LUC7L2: variants seen among roughly 807,000 people sequenced by gnomAD.
LUC7L2 encodes LUC7 like 2, pre-mRNA splicing factor.
In LUC7L2, 25 loss-of-function variants were observed where a neutral mutation model predicts 52.8. The observed-to-expected ratio is 0.47, with a 90% CI of 0.34 to 0.66. LUC7L2 has a LOEUF of 0.66. LUC7L2 is among the 30% of genes least tolerant of loss of function. The pLI is 0.01. For synonymous variants in LUC7L2, 144 were observed against 160.9 expected, an observed-to-expected ratio of 0.89 and a Z score of 0.80; for missense variants, 328 against 497.8, an observed-to-expected ratio of 0.66 and a Z score of 3.25.
Position 139,417,698 on chromosome 7 carries a change from A to G in LUC7L2, c.970A>G (p.Arg324Gly). ...RSHQRSRHSS[R>G]DRSRERSKRR... ...CCACCAGAGAAGTCGGCACAGTTCT[A>G]GAGATAGGAGCAGAGAACGATCCAA... Residue 324 changes from arginine (R) to glycine (G), a missense_variant, in exon 9 of 10, where the codon AGA becomes GGA. Transcript: ENST00000354926. 6.2e-7 allele frequency: 1 copy of G among 1,614,200 alleles called. No individual in the cohort carries two copies. The highest frequency in any genetic ancestry group is 8.5e-7 in the Non-Finnish European group (1 of 1,180,032).
chr7:139,417,510 A>G, intron 8 of LUC7L2, 28 bp from the exon 9 acceptor site: 2 of 1,601,670 alleles, frequency 1.2e-6, no homozygotes, highest in Non-Finnish European at 8.5e-7. Context: ...TTACAAAGGT[A>G]GAAACAAAAT....
intron 1 of LUC7L2, among the ~76,000 whole-genome samples, chr7:139,344,250 C>T (rs1799148608): frequency 6.6e-6 from 1 of 152,138 alleles, no homozygotes; most frequent in African/African-American, 2.4e-5. Flanking sequence ...CGAGAATAGC[C>T]ATTCCTCAGT....
At chr7:139,417,464 T>C (rs1262245971) in intron 8 of LUC7L2, 74 bp from the exon 9 acceptor site, 10 of 1,532,106 alleles carry the variant, frequency 6.5e-6, no homozygotes, top group Admixed American at 2.1e-5. Flanking sequence ...AGTTTCTCTT[T>C]AAAGAAAAGG....
chr7:139,390,119 C>G (rs1449155456), intron 2 of LUC7L2, among the ~76,000 whole-genome samples: 2 of 152,158 alleles, frequency 1.3e-5, no homozygotes, highest in Non-Finnish European at 2.9e-5. Context: ...TGCCACTGCA[C>G]TCCAGGTTGG....
intron 6 of LUC7L2, among the ~76,000 whole-genome samples, 160 bp from the exon 7 acceptor site, chr7:139,409,403 T>C (rs141834218): frequency 5.9e-5 from 9 of 152,262 alleles, no homozygotes; most frequent in South Asian, 2.1e-4. Flanking sequence ...AGAAGACTTG[T>C]AGGCCTAATG....
intron 1 of LUC7L2, among the ~76,000 whole-genome samples, chr7:139,373,456 G>A (rs935903977): frequency 6.6e-6 from 1 of 152,012 alleles, no homozygotes; most frequent in Non-Finnish European, 1.5e-5. Flanking sequence ...AGTTTGCTAC[G>A]GTTATCAAAT....
chr7:139,351,957 G>A (rs1343003087), intron 1 of LUC7L2, among the ~76,000 whole-genome samples: 2 of 152,198 alleles, frequency 1.3e-5, no homozygotes, highest in Non-Finnish European at 2.9e-5. Flanking sequence ...CACAGTGGGA[G>A]GCCTGGATGG....
chr7:139,381,232 T>A (rs1800997558), intron 2 of LUC7L2, among the ~76,000 whole-genome samples: 1 of 152,122 alleles, frequency 6.6e-6, no homozygotes, highest in African/African-American at 2.4e-5. Flanking sequence ...GTCAGTTTTT[T>A]AGGTAATTCA....
At chr7:139,390,215 GTCTCTCTCTC>G (rs5887929) in intron 2 of LUC7L2, among the ~76,000 whole-genome samples, 7 of 148,818 alleles carry the variant, frequency 4.7e-5, no homozygotes, top group East Asian at 2.0e-4. Context: ...CCAGTGCCCA[GTCTCTCTCTC>G]TCTCTCTCTC....
At chr7:139,374,680 C>T (rs927165312) in intron 1 of LUC7L2, 1 of 1,302,824 alleles carries the variant, frequency 7.7e-7, no homozygotes. Flanking sequence ...ATCATTTTAA[C>T]TATAAATTAC....
chr7:139,363,220 C>G (rs1161904809), intron 1 of LUC7L2: 7 of 985,342 alleles, frequency 7.1e-6, no homozygotes, highest in African/African-American at 1.7e-5. Context: ...AAAATCGTGC[C>G]GATGCCTGGC....
At chr7:139,356,612 C>T (rs963524389), upstream of LUC7L2, among the ~76,000 whole-genome samples, 19 of 115,492 alleles carry the variant, frequency 1.6e-4, no homozygotes, top group African/African-American at 1.1e-3. Context: ...TGAAAACCTG[C>T]GTTAAAAAAA....
chr7:139,416,881 A>G (rs1202443477), intron 8 of LUC7L2: 1 of 152,254 alleles, frequency 6.6e-6, no homozygotes, highest in African/African-American at 2.4e-5. Context: ...TCTAGAGGAT[A>G]CAAAAATGTT....
At position 139,422,252 on chromosome 7, in the gene LUC7L2, G is replaced by T. The variant is rs762076915; in HGVS notation, c.1091G>T (p.Arg364Leu). 1 of 1,614,192 alleles carries T rather than the reference G, an allele frequency of 6.2e-7. No homozygotes were observed. Among genetic ancestry groups the T allele is most frequent in the Non-Finnish European group, 8.5e-7 (1 of 1,180,032 alleles). The change falls in exon 10 of 10, where the codon CGG becomes CTG. Residue 364 changes from arginine (R) to leucine (L), a missense_variant. Arg to Leu is a moderately radical substitution (Grantham distance 102, BLOSUM62 -2). Transcript: ENST00000354926. ...GACAGATCACCTCGTGACAGAGATC[G>T]GAAAGATAAGAAGCGGTCCTATGAG... is the stretch of plus-strand genomic sequence containing the variant. ...SRDRSPRDRD[R>L]KDKKRSYESA...
rs1485606872 is a variant in LUC7L2, at chr7:139,423,283, A to T, written c.*943A>T. ...AAGGCACCAAAGGACATAAATACGTACTTGCAAAGATTCCAGATGAGCTGT... is the reference window on the plus strand; with the variant it reads ...AAGGCACCAAAGGACATAAATACGTTCTTGCAAAGATTCCAGATGAGCTGT... On this transcript the variant is annotated 3_prime_UTR_variant, in exon 10 of 10. Coordinates refer to ENST00000354926, the MANE Select transcript of LUC7L2 (RefSeq NM_016019.5). 14 of 398,970 alleles carry T rather than the reference A, an allele frequency of 3.5e-5. No homozygotes were observed. Among genetic ancestry groups the T allele is most frequent in the Non-Finnish European group, 1.3e-5 (3 of 226,094 alleles). The allele number at this position is 398,970 out of a possible 1,614,324, so 24.7% of individuals were successfully genotyped here. A position where few individuals can be genotyped will look rare whatever the true frequency, so the allele number is the denominator to read the frequency against.
At chr7:139,361,463 ATT>A (rs1346474009) in intron 1 of LUC7L2, among the ~76,000 whole-genome samples, 1 of 152,240 alleles carries the variant, frequency 6.6e-6, no homozygotes, top group Non-Finnish European at 1.5e-5. Context: ...AATTTTAAAA[ATT>A]TTATTGCATT....
intron 8 of LUC7L2, chr7:139,416,040 A>ATATATAT (rs1795586484): frequency 1.0e-5 from 1 of 97,744 alleles, no homozygotes; most frequent in Non-Finnish European, 2.4e-5. Context: ...TGAGGTATAA[A>ATATATAT]ATATATATAT....
At position 139,417,578 on chromosome 7, in the gene LUC7L2, A is replaced by G. The variant is rs375122878; in HGVS notation, c.850A>G (p.Met284Val). 3.5e-5 allele frequency: 56 copies of G among 1,614,216 alleles called. No individual in the cohort carries two copies. The highest frequency in any genetic ancestry group is 1.2e-4 in the African/African-American group (9 of 75,058). ...REHRRHRSRS[M>V]SRERKRRTRS... ...GCATCGCAGACATCGATCTCGCTCC[A>G]TGTCACGTGAACGCAAGAGGAGAAC... is the stretch of plus-strand genomic sequence containing the variant. Residue 284 changes from methionine (M) to valine (V), a missense_variant, in exon 9 of 10, where the codon ATG becomes GTG. Met to Val is a conservative substitution (Grantham distance 21, BLOSUM62 1). Transcript: ENST00000354926.
intron 1 of LUC7L2, among the ~76,000 whole-genome samples, chr7:139,353,609 A>G (rs1409217309): frequency 6.6e-6 from 1 of 152,190 alleles, no homozygotes; most frequent in African/African-American, 2.4e-5. Context: ...CCTGGCCAAC[A>G]TGGTGAAACC....
Sources: allele counts gnomAD v4.1 joint callset (sites outside exome capture counted in the v4.1 genomes callset), GRCh38; gene constraint gnomAD v4.1.1; transcripts MANE v1.5; gene names NCBI Gene and HGNC (gene_info 2026-07-23, HGNC 2026-07-21).